Variants in SLC6A13 observed in about 807,000 individuals in gnomAD.
SLC6A13 encodes sodium- and chloride-dependent GABA transporter 2.
In SLC6A13, 69 loss-of-function variants were observed where a neutral mutation model predicts 72.9. The observed-to-expected ratio is 0.95, with a 90% CI of 0.78 to 1.16. The LOEUF (loss-of-function observed/expected upper bound fraction) is 1.16. SLC6A13 is among the 50% of genes most tolerant of loss of function. The probability of loss-of-function intolerance (pLI) is 0.00; values close to 1 mark genes in which losing one functional copy is unlikely to be tolerated. For synonymous variants in SLC6A13, 303 were observed against 303.0 expected, an observed-to-expected ratio of 1.00 and a Z score of 0.00; for missense variants, 735 against 760.5, an observed-to-expected ratio of 0.97 and a Z score of 0.39.
At chr12:242,234 C>T (rs940257243) in intron 4 of SLC6A13, among the ~76,000 whole-genome samples, 4 of 152,190 alleles carry the variant, frequency 2.6e-5, no homozygotes, top group Non-Finnish European at 4.4e-5. Context: ...GCCTCTGCCA[C>T]CCCTGACAAG....
intron 7 of SLC6A13, among the ~76,000 whole-genome samples, chr12:230,848 A>G (rs1054267913): frequency 2.6e-5 from 4 of 152,256 alleles, no homozygotes; most frequent in African/African-American, 9.6e-5. Flanking sequence ...TAAGAGGGAC[A>G]TAATAAGGTT....
At chr12:257,744 C>T (rs937724141) in intron 2 of SLC6A13, among the ~76,000 whole-genome samples, 16 of 152,108 alleles carry the variant, frequency 1.1e-4, no homozygotes, top group Admixed American at 8.5e-4. Context: ...GACAAAGGAC[C>T]GGGGAGAGTC....
intron 6 of SLC6A13, among the ~76,000 whole-genome samples, chr12:236,223 C>T (rs989564929): frequency 2.0e-5 from 3 of 152,162 alleles, no homozygotes; most frequent in African/African-American, 2.4e-5. Flanking sequence ...CCCTTTGAAG[C>T]ATGAGATCTT....
In SLC6A13 at chr12:260,001, A is replaced by G; in HGVS notation, c.52T>C (p.Tyr18His). 1 of 1,614,152 alleles carries G rather than the reference A, an allele frequency of 6.2e-7. No homozygotes were observed. Among genetic ancestry groups the G allele is most frequent in the Non-Finnish European group, 8.5e-7 (1 of 1,180,004 alleles). The change falls in exon 2 of 15, where the codon TAT (tyrosine) becomes CAT (histidine). Residue 18 changes from tyrosine to histidine, a missense_variant. Coordinates refer to ENST00000343164, the MANE Select transcript of SLC6A13 (RefSeq NM_016615.5). Reference protein sequence around the residue: ...TTSNGETKPVYPVMEKKEEDG... With the variant: ...TTSNGETKPVHPVMEKKEEDG... ...TCCTCCTTCTTTTCCATGACTGGATACACTGGTTTTGTCTCTCCATTACTG... is the reference window on the plus strand; with the variant it reads ...TCCTCCTTCTTTTCCATGACTGGATGCACTGGTTTTGTCTCTCCATTACTG...
chr12:238,432 T>C, intron 4 of SLC6A13: 1 of 841,576 alleles, frequency 1.2e-6, no homozygotes, highest in Admixed American at 2.3e-5. Context: ...ACCCCACGGG[T>C]ATGAACTGTG....
chr12:226,295 A>AGAGT, intron 9 of SLC6A13, 95 bp downstream of exon 9: 2 of 1,476,230 alleles, frequency 1.4e-6, no homozygotes, highest in Admixed American at 1.7e-5. Flanking sequence ...TAGCTCACCC[A>AGAGT]GAGTGCAGGT....
At chr12:247,433 C>A (rs1305549527) in intron 2 of SLC6A13, among the ~76,000 whole-genome samples, 2 of 152,262 alleles carry the variant, frequency 1.3e-5, no homozygotes, top group East Asian at 3.9e-4. Flanking sequence ...TAAGGAAGCA[C>A]ATTTGCTGAA....
intron 5 of SLC6A13, among the ~76,000 whole-genome samples, chr12:237,609 AG>A (rs956230214): frequency 4.5e-5 from 5 of 110,072 alleles, no homozygotes; most frequent in Admixed American, 1.0e-4. Context: ...TACTGGGGGG[AG>A]GGGGTGGGTC....
chr12:224,587 A>T, intron 9 of SLC6A13, 74 bp from the exon 10 acceptor site: 2 of 1,191,504 alleles, frequency 1.7e-6, no homozygotes, highest in Non-Finnish European at 2.5e-6. Flanking sequence ...ATGGCTTCCC[A>T]GCGTGGGGCC....
chr12:256,390 G>A (rs1292399469), intron 2 of SLC6A13: 2 of 152,310 alleles, frequency 1.3e-5, no homozygotes. Context: ...GCAGGTGCCT[G>A]GGGGTGGATC....
chr12:221,499 G>A lies in SLC6A13; in HGVS notation c.1563C>T (p.Asn521=), dbSNP rs1941210152. The A allele has an allele frequency of 1.2e-6, 2 of 1,613,224 alleles. No individual in the cohort carries two copies. Among genetic ancestry groups the A allele is most frequent in the African/African-American group, 1.3e-5 (1 of 74,956 alleles). The change falls in exon 14 of 15, where the codon AAC becomes AAT. Residue 521 remains asparagine (N), a synonymous_variant. Transcript: ENST00000343164. ...SLIKYTPLTY[N]KKYTYPWWGD... ...CCCACCACGGGTACGTGTACTTCTTGTTGTAGGTCAGCGGAGTGTACTTTA... is the reference window on the plus strand; with the variant it reads ...CCCACCACGGGTACGTGTACTTCTTATTGTAGGTCAGCGGAGTGTACTTTA...
In SLC6A13 at chr12:237,145, T is replaced by TC. The variant is rs745873867; in HGVS notation, c.696+12dup. ...GTCCGGGAATGGGAGGGGCAGGAGCTCCCCACACGAACCTTGCCTGTGGAC... is the reference window on the plus strand; with the variant it reads ...GTCCGGGAATGGGAGGGGCAGGAGCTCCCCCACACGAACCTTGCCTGTGGAC... On this transcript the variant is annotated intron_variant, in intron 6 of 14. Transcript: ENST00000343164. 13 of 1,613,512 alleles carry TC rather than the reference T, an allele frequency of 8.1e-6. No individual in the cohort carries two copies. Among genetic ancestry groups the TC allele is most frequent in the Non-Finnish European group, 1.1e-5 (13 of 1,179,774 alleles).
At position 259,710 on chromosome 12, in the gene SLC6A13, T is replaced by C. The variant is rs746991025; in HGVS notation, c.202+141A>G. 9 of 1,562,398 alleles carry C rather than the reference T, an allele frequency of 5.8e-6. No individual in the cohort carries two copies. The Admixed American group carries it at 7.6e-5, about 13-fold the overall frequency. ...TTCTAGGTCTTAGTCTCTTACAGAG[T>C]GTCCTTAATGACCTCTAAGCGTCCT... On this transcript the variant is annotated intron_variant, in intron 2 of 14. Coordinates refer to ENST00000343164, the MANE Select transcript of SLC6A13 (RefSeq NM_016615.5).
chr12:251,704 G>A (rs910687607), intron 2 of SLC6A13, among the ~76,000 whole-genome samples: 13 of 152,146 alleles, frequency 8.5e-5, no homozygotes, highest in African/African-American at 3.1e-4. Flanking sequence ...TGTAATCCCA[G>A]CACTTTGGGA....
chr12:261,651 G>T lies in SLC6A13; in HGVS notation c.-6+1138C>A, dbSNP rs75415270. Among the ~76,000 whole-genome samples, 1,274 of 152,350 alleles carry T rather than the reference G, an allele frequency of 8.4e-3. 7 individuals carry two copies. The highest frequency in any genetic ancestry group is 0.013 in the Non-Finnish European group (863 of 68,038). The stretch of plus-strand genomic sequence containing the variant: ...ATTAGAAAGTCAGTGAACAGGCCGG[G>T]TGCAATGGCTCACGCCTGTAATCCC... On this transcript the variant is annotated intron_variant, in intron 1 of 14. Transcript: ENST00000343164.
At chr12:248,403 G>GAAAAAAAAAAAAAAAAAAAAAA (rs35297718) in intron 2 of SLC6A13, among the ~76,000 whole-genome samples, 1 of 100,452 alleles carries the variant, frequency 1.0e-5, no homozygotes, top group Non-Finnish European at 2.0e-5. Flanking sequence ...CTCCGTCTCG[G>GAAAAAAAAAAAAAAAAAAAAAA]AAAAAAAAAA....
intron 3 of SLC6A13, among the ~76,000 whole-genome samples, chr12:243,464 C>T (rs1437059611): frequency 1.3e-5 from 2 of 152,180 alleles, no homozygotes; most frequent in Admixed American, 6.5e-5. Context: ...ACTTACCTAA[C>T]CTAAAGCCTC....
intron 13 of SLC6A13, 22 bp from the exon 14 acceptor site, chr12:221,568 A>G (rs983692247): frequency 3.3e-6 from 5 of 1,520,020 alleles, no homozygotes; most frequent in African/African-American, 1.4e-5. Flanking sequence ...AGCAGAAGAG[A>G]AAGGGGTTGG....
At chr12:228,421 G>C (rs748202957) in intron 7 of SLC6A13, among the ~76,000 whole-genome samples, 6 of 152,038 alleles carry the variant, frequency 3.9e-5, no homozygotes, top group Non-Finnish European at 7.4e-5. Flanking sequence ...CCCTGGCGAC[G>C]TGAGCACAAC....
Sources: allele counts gnomAD v4.1 joint callset (sites outside exome capture counted in the v4.1 genomes callset), GRCh38; gene constraint gnomAD v4.1.1; transcripts MANE v1.5; gene names NCBI Gene and HGNC (gene_info 2026-07-23, HGNC 2026-07-21).